The following LGSN variants were observed in gnomAD, a reference collection of about 807,000 sequenced individuals.
The protein encoded by LGSN is lengsin.
LGSN carries 21 observed loss-of-function variants against 19.5 expected under a neutral mutation model. That is an observed-to-expected ratio of 1.07 (90% CI 0.76 to 1.55). The LOEUF is 1.55. Among genes scored for constraint, LGSN ranks in the 40% most tolerant of loss-of-function variants. The pLI is 0.00. For synonymous variants in LGSN, 257 were observed against 215.6 expected (o/e 1.19, Z -1.68); for missense variants, 673 against 608.5 (o/e 1.11, Z -1.12).
chr6:63,566,328 T>A, the LGSN span, among the ~76,000 whole-genome samples: 1 of 152,196 alleles, frequency 6.6e-6, no homozygotes, highest in Non-Finnish European at 1.5e-5. Context: ...TTTACCCACA[T>A]TAGTCTGTAG....
the LGSN span, among the ~76,000 whole-genome samples, chr6:63,353,814 C>T: frequency 6.6e-6 from 1 of 151,960 alleles, no homozygotes; most frequent in South Asian, 2.1e-4. Flanking sequence ...ACCAATGAAA[C>T]AGAATAGAGA....
the LGSN span, among the ~76,000 whole-genome samples, chr6:63,472,678 A>G: frequency 6.6e-6 from 1 of 151,930 alleles, no homozygotes; most frequent in African/African-American, 2.4e-5. Context: ...CGGTGGCTCA[A>G]GCCTGTAATC....
the LGSN span, among the ~76,000 whole-genome samples, chr6:63,434,604 C>CAAAAAAAAAAAAAAAA: frequency 6.4e-5 from 4 of 62,872 alleles, no homozygotes; most frequent in East Asian, 5.5e-4. Context: ...ACTAAAAATT[C>CAAAAAAAAAAAAAAAA]AAAAAAAAAA....
chr6:63,318,458 A>C lies in LGSN; in HGVS notation c.30+1456T>G, dbSNP rs7772187. ...ATTCTTTCACTTCCTGAGAATGCGA[A>C]CCTATACAGGAGAGTATAAAAGAGC... On this transcript the variant is annotated intron_variant, in intron 1 of 3. Transcript: ENST00000370657. Among the ~76,000 whole-genome samples the C allele has an allele frequency of 2.9e-3, 448 of 152,180 alleles. 3 individuals carry two copies. Among genetic ancestry groups the C allele is most frequent in the African/African-American group, 0.01 (424 of 41,500 alleles).
At chr6:63,300,583 T>C (rs1722642283) in intron 1 of LGSN, among the ~76,000 whole-genome samples, 1 of 152,112 alleles carries the variant, frequency 6.6e-6, no homozygotes, top group South Asian at 2.1e-4. Context: ...GGAGAATGAC[T>C]TGAGCATGGG....
At chr6:63,511,414 C>A in the LGSN span, among the ~76,000 whole-genome samples, 1 of 152,116 alleles carries the variant, frequency 6.6e-6, no homozygotes, top group East Asian at 1.9e-4. Flanking sequence ...CCACCACGCC[C>A]AGCTAATTTT....
At chr6:63,469,450 T>C in the LGSN span, among the ~76,000 whole-genome samples, 3 of 152,288 alleles carry the variant, frequency 2.0e-5, no homozygotes, top group African/African-American at 7.2e-5. Context: ...ATCAAAGGCC[T>C]AGAAAAATGT....
chr6:63,459,621 G>A, the LGSN span, among the ~76,000 whole-genome samples: 1 of 142,828 alleles, frequency 7.0e-6, no homozygotes, highest in Non-Finnish European at 1.5e-5. Context: ...CCCATGTTTT[G>A]AAGTAGAACT....
chr6:63,518,660 A>T, the LGSN span, among the ~76,000 whole-genome samples: 1 of 152,242 alleles, frequency 6.6e-6, no homozygotes, highest in African/African-American at 2.4e-5. Flanking sequence ...GTCTCTTTAC[A>T]GCTAAGGTTC....
the LGSN span, among the ~76,000 whole-genome samples, chr6:63,488,374 C>T: frequency 6.6e-6 from 1 of 152,120 alleles, no homozygotes; most frequent in Non-Finnish European, 1.5e-5. Flanking sequence ...GCCCAGCATC[C>T]CACAGGTAGT....
the LGSN span, among the ~76,000 whole-genome samples, chr6:63,353,770 G>T: frequency 6.6e-6 from 1 of 151,906 alleles, no homozygotes; most frequent in African/African-American, 2.4e-5. Context: ...AGTAACCAAA[G>T]CATCATTACA....
the LGSN span, among the ~76,000 whole-genome samples, chr6:63,533,788 T>A: frequency 2.0e-5 from 3 of 152,076 alleles, no homozygotes; most frequent in African/African-American, 4.8e-5. Context: ...GGATTTTTTT[T>A]AAAGTTACAC....
chr6:63,507,736 G>A, the LGSN span, among the ~76,000 whole-genome samples: 1 of 152,064 alleles, frequency 6.6e-6, no homozygotes, highest in Non-Finnish European at 1.5e-5. Flanking sequence ...CCTTTATTTA[G>A]GTTAAGCAGA....
At chr6:63,450,968 C>T in the LGSN span, among the ~76,000 whole-genome samples, 57 of 152,294 alleles carry the variant, frequency 3.7e-4, no homozygotes, top group Non-Finnish European at 7.5e-4. Context: ...AGCCACCACA[C>T]CCGGCTGTAA....
At chr6:63,558,417 G>A in the LGSN span, among the ~76,000 whole-genome samples, 11,421 of 152,190 alleles carry the variant, frequency 0.075, 480 homozygotes, top group East Asian at 0.16. Context: ...ATAGAATGTG[G>A]TAGCCAGTCA....
chr6:63,414,623 C>G, the LGSN span, among the ~76,000 whole-genome samples: 3 of 152,234 alleles, frequency 2.0e-5, no homozygotes, highest in African/African-American at 4.8e-5. Flanking sequence ...CTTAATAAAG[C>G]TTTAAAAAAA....
At chr6:63,313,029 A>G (rs1418063727) in intron 1 of LGSN, among the ~76,000 whole-genome samples, 2 of 152,204 alleles carry the variant, frequency 1.3e-5, no homozygotes, top group African/African-American at 4.8e-5. Context: ...GACAAAATGG[A>G]AGGAAAAAAT....
chr6:63,419,232 T>C, the LGSN span, among the ~76,000 whole-genome samples: 3 of 152,208 alleles, frequency 2.0e-5, no homozygotes, highest in South Asian at 2.1e-4. Flanking sequence ...TTATATATAA[T>C]GGTCAGGGTT....
chr6:63,471,401 C>T, the LGSN span, among the ~76,000 whole-genome samples: 3 of 152,014 alleles, frequency 2.0e-5, no homozygotes, highest in African/African-American at 7.2e-5. Context: ...AGCAGTGGCT[C>T]ATGCCTGTAA....
Sources: allele counts gnomAD v4.1 joint callset (sites outside exome capture counted in the v4.1 genomes callset), GRCh38; gene constraint gnomAD v4.1.1; transcripts MANE v1.5; gene names NCBI Gene and HGNC (gene_info 2026-07-23, HGNC 2026-07-21).